The following SERPINC1 variants were observed in gnomAD, a reference collection of about 807,000 sequenced individuals.
SERPINC1 encodes antithrombin-III.
In SERPINC1, 12 loss-of-function variants were observed where a neutral mutation model predicts 43.4. That is an observed-to-expected ratio of 0.28 (90% confidence interval 0.18 to 0.45). SERPINC1 has a LOEUF of 0.45. Ranked by LOEUF, SERPINC1 falls within the 20% of genes least tolerant of loss-of-function variation. The pLI, the probability that SERPINC1 is intolerant of heterozygous loss-of-function variation, is 1.00. For missense variants in SERPINC1, 423 were observed against 578.8 expected, an observed-to-expected ratio of 0.73 and a Z score of 2.76; for synonymous variants, 210 against 218.9, an observed-to-expected ratio of 0.96 and a Z score of 0.36.
At position 173,907,475 on chromosome 1, in the gene SERPINC1, T is replaced by G; in HGVS notation, c.1193A>C (p.Asp398Ala). 1.9e-6 allele frequency: 3 copies of G among 1,613,870 alleles called. No homozygotes were observed. In the South Asian group the frequency reaches 3.3e-5, roughly 18 times the overall value. ...AEGRDDLYVS[D>A]AFHKAFLEVN... ...CTCAAGAAATGCCTTATGGAATGCA[T>G]CTGAGACATAGAGGTCATCTCGGCC... The change falls in exon 6 of 7, where the codon GAT becomes GCT. Residue 398 changes from aspartate to alanine, a missense_variant. By Grantham distance (126) the Asp-to-Ala change is moderately radical. Coordinates refer to ENST00000367698, the MANE Select transcript of SERPINC1 (RefSeq NM_000488.4).
chr1:173,915,068 C>T (rs928383978), intron 1 of SERPINC1, 149 bp from the exon 2 acceptor site: 94 of 1,515,040 alleles, frequency 6.2e-5, no homozygotes, highest in African/African-American at 1.9e-4. Flanking sequence ...TACAGGGGCC[C>T]GGGACAGGTT....
At chr1:173,915,353 A>G (rs1361727589) in intron 1 of SERPINC1, among the ~76,000 whole-genome samples, 1 of 152,216 alleles carries the variant, frequency 6.6e-6, no homozygotes, top group East Asian at 1.9e-4. Flanking sequence ...TCAGCAACAC[A>G]AGAGAAGTAA....
chr1:173,909,957 C>T lies in SERPINC1; in HGVS notation c.763-15G>A. On this transcript the variant is annotated splice_polypyrimidine_tract_variant and intron_variant, in intron 4 of 6. Transcript: ENST00000367698. ...TTCCACAGGCCCTGGAAGAGAATCACAAAGTAAGAACACAAACATTCATAG... is the reference window on the plus strand; with the variant it reads ...TTCCACAGGCCCTGGAAGAGAATCATAAAGTAAGAACACAAACATTCATAG... 1 of 1,613,602 alleles carries T rather than the reference C, an allele frequency of 6.2e-7. No homozygotes were observed. Among genetic ancestry groups the T allele is most frequent in the African/African-American group, 1.3e-5 (1 of 75,016 alleles).
intron 5 of SERPINC1, among the ~76,000 whole-genome samples, chr1:173,907,948 T>G (rs1002649537): frequency 3.3e-5 from 5 of 149,926 alleles, no homozygotes; most frequent in Non-Finnish European, 7.4e-5. Flanking sequence ...GCCACTGCAC[T>G]CCAGCCTGGG....
intron 6 of SERPINC1, among the ~76,000 whole-genome samples, chr1:173,904,267 A>G (rs1258813889): frequency 6.6e-6 from 1 of 152,202 alleles, no homozygotes; most frequent in East Asian, 1.9e-4. Flanking sequence ...TGTTTGTCCA[A>G]GCCTTGTGCT....
intron 5 of SERPINC1, among the ~76,000 whole-genome samples, chr1:173,908,092 G>A (rs1281921487): frequency 3.3e-5 from 5 of 151,646 alleles, no homozygotes; most frequent in Non-Finnish European, 7.4e-5. Context: ...GCTTTTTGTG[G>A]GAGAGAGAAA....
intron 5 of SERPINC1, 132 bp from the exon 6 acceptor site, chr1:173,907,646 C>G: frequency 1.3e-6 from 1 of 763,788 alleles, no homozygotes. Context: ...AAATCTTCAC[C>G]TAATCATACT....
chr1:173,904,977 C>T (rs944835164), intron 6 of SERPINC1, among the ~76,000 whole-genome samples: 2 of 152,088 alleles, frequency 1.3e-5, no homozygotes, highest in East Asian at 1.9e-4. Context: ...TCAAAGAAAA[C>T]GGCTTTGTTG....
At chr1:173,910,009 T>G in intron 4 of SERPINC1, 67 bp from the exon 5 acceptor site, 1 of 1,479,270 alleles carries the variant, frequency 6.8e-7, no homozygotes, top group Non-Finnish European at 9.4e-7. Flanking sequence ...ACAAGACATA[T>G]CCATATTATA....
chr1:173,907,033 G>A (rs1335692974), intron 6 of SERPINC1, among the ~76,000 whole-genome samples: 3 of 152,028 alleles, frequency 2.0e-5, no homozygotes, highest in East Asian at 1.9e-4. Context: ...CAGGAGAATC[G>A]CTTGAACGCG....
chr1:173,914,988 G>T lies in SERPINC1; in HGVS notation c.42-69C>A, dbSNP rs766224855. 6.5e-5 allele frequency: 103 copies of T among 1,572,732 alleles called. 1 individual carries two copies. Among genetic ancestry groups the T allele is most frequent in the Non-Finnish European group, 8.0e-5 (93 of 1,165,966 alleles). ...TAGCCCCACTGCCCACCACAGGGTT[G>T]CCCCAGTAAAGCAGAGGATTCCAGC... On this transcript the variant is annotated intron_variant, in intron 1 of 6. Transcript: ENST00000367698.
intron 6 of SERPINC1, among the ~76,000 whole-genome samples, chr1:173,905,582 G>C (rs902438848): frequency 6.6e-6 from 1 of 152,100 alleles, no homozygotes; most frequent in East Asian, 1.9e-4. Flanking sequence ...TTAGTCGGGC[G>C]TGGTGGCGGG....
chr1:173,911,989 T>G lies in SERPINC1; in HGVS notation c.434A>C (p.Glu145Ala). The G allele has an allele frequency of 6.2e-7, 1 of 1,614,122 alleles. No individual in the cohort carries two copies. The highest frequency in any genetic ancestry group is 1.7e-5 in the Admixed American group (1 of 60,024). Residue 145 changes from glutamate (E) to alanine (A), a missense_variant, in exon 3 of 7, where the codon GAG becomes GCG. By Grantham distance (107) the Glu-to-Ala change is moderately radical (BLOSUM62 -1). Coordinates refer to ENST00000367698, the MANE Select transcript of SERPINC1 (RefSeq NM_000488.4). ...GAAGTGGATCTGATCAGATGTTTTC[T>G]CAGATATGGTGTCAAACTTAAATAC... ...MEVFKFDTISEKTSDQIHFFF... is the reference protein window; with the variant it reads ...MEVFKFDTISAKTSDQIHFFF...
At chr1:173,912,052 G>T in intron 2 of SERPINC1, 38 bp from the exon 3 acceptor site, 1 of 1,495,968 alleles carries the variant, frequency 6.7e-7, no homozygotes, top group Non-Finnish European at 9.3e-7. Context: ...GGGTTTGGTG[G>T]GCTGCCTAGT....
At chr1:173,914,479 C>T (rs1657903021) in intron 2 of SERPINC1, 74 bp downstream of exon 2, 1 of 1,578,712 alleles carries the variant, frequency 6.3e-7, no homozygotes, top group Non-Finnish European at 8.7e-7. Flanking sequence ...GTTGAGGAAT[C>T]ATTGGACTTG....
rs1658034684 is a variant in SERPINC1, at chr1:173,917,302, G to A, written c.-43C>T. ...AGGGCTGGGCAAGTGGAGATAGTGT[G>A]ATCTGAGGCAATCCGCCTGAAAACT... On this transcript the variant is annotated 5_prime_UTR_variant, in exon 1 of 7. Coordinates refer to ENST00000367698, the MANE Select transcript of SERPINC1 (RefSeq NM_000488.4). 2.5e-6 allele frequency: 4 copies of A among 1,589,244 alleles called. No homozygotes were observed. The East Asian group carries it at 8.9e-5, about 35-fold the overall frequency.
Position 173,910,886 on chromosome 1 carries a change from A to G in SERPINC1, c.630T>C (p.Asn210=). The G allele has an allele frequency of 1.2e-6, 2 of 1,614,090 alleles. No individual in the cohort carries two copies. The highest frequency in any genetic ancestry group is 1.6e-4 in the Middle Eastern group (1 of 6,062). ...AKLQPLDFKE[N]AEQSRAAINK... Reference sequence around the variant, plus strand: ...TGATGGCCGCTCTGGATTGCTCTGCATTTTCCTGAGGAGAACAGAAAATAA... The same window carrying G: ...TGATGGCCGCTCTGGATTGCTCTGCGTTTTCCTGAGGAGAACAGAAAATAA... The change falls in exon 4 of 7, where the codon AAT becomes AAC. Residue 210 remains asparagine, a synonymous_variant. Transcript: ENST00000367698.
rs978599332 is a variant in SERPINC1 at position 173,909,352 on chromosome 1, C to T, written c.1153+200G>A. On this transcript the variant is annotated intron_variant, in intron 5 of 6. Coordinates refer to ENST00000367698, the MANE Select transcript of SERPINC1 (RefSeq NM_000488.4). The stretch of plus-strand genomic sequence containing the variant: ...AGTGCTAGCTGGGCCCATGGAGATC[C>T]AAGAACAAACTTCCCTTTTACAGAA... 5.3e-5 allele frequency among the ~76,000 whole-genome samples: 8 copies of T among 152,248 alleles called. No individual in the cohort carries two copies. In the East Asian group the frequency reaches 1.4e-3, roughly 26 times the overall value.
chr1:173,910,395 G>A (rs189183624), intron 4 of SERPINC1, among the ~76,000 whole-genome samples: 50 of 152,054 alleles, frequency 3.3e-4, no homozygotes, highest in African/African-American at 1.1e-3. Flanking sequence ...TGGCTAACAC[G>A]GTGAAACCCC....
Sources: allele counts gnomAD v4.1 joint callset (sites outside exome capture counted in the v4.1 genomes callset), GRCh38; gene constraint gnomAD v4.1.1; transcripts MANE v1.5; gene names NCBI Gene and HGNC (gene_info 2026-07-23, HGNC 2026-07-21).